Variants in OIT3 observed in about 807,000 individuals in gnomAD.
OIT3 encodes oncoprotein induced transcript 3.
Under a neutral mutation model 52.2 loss-of-function variants are expected in OIT3, and 41 were observed. That is an observed-to-expected ratio of 0.79 (90% CI 0.61 to 1.02). The LOEUF (loss-of-function observed/expected upper bound fraction) is 1.02. Among genes scored for constraint, OIT3 ranks in the 50% least tolerant of loss-of-function variants. OIT3 has a pLI of 0.00. For missense variants in OIT3, 634 were observed against 715.5 expected (o/e 0.89, Z 1.30); for synonymous variants, 244 against 276.9 (o/e 0.88, Z 1.18).
chr10:72,900,880 CA>C (rs1845925775), intron 3 of OIT3, among the ~76,000 whole-genome samples: 1 of 152,048 alleles, frequency 6.6e-6, no homozygotes, highest in Non-Finnish European at 1.5e-5. Flanking sequence ...CCACCCTGGG[CA>C]ACAAAGAAAA....
intron 5 of OIT3, among the ~76,000 whole-genome samples, chr10:72,912,523 G>A (rs1846038404): frequency 6.6e-6 from 1 of 151,912 alleles, no homozygotes. Context: ...CGCCCTCCTT[G>A]GCTTCCCAAA....
rs1311821294 is a variant in OIT3 at position 72,899,082 on chromosome 10, C to A, written c.436+44C>A. The A allele has an allele frequency of 3.2e-6, 5 of 1,545,906 alleles. No homozygotes were observed. In the Admixed American group the frequency reaches 7.7e-5, roughly 24 times the overall value. ...CTCTTTTTCTCCACCAACAAGGCCA[C>A]AGGTGGAGTCCAAAAGTGCCAATTA... is the stretch of plus-strand genomic sequence containing the variant. On this transcript the variant is annotated intron_variant, in intron 2 of 8. Transcript: ENST00000334011.
At chr10:72,921,352 A>G (rs552645052) in intron 6 of OIT3, among the ~76,000 whole-genome samples, 2 of 152,302 alleles carry the variant, frequency 1.3e-5, no homozygotes, top group South Asian at 2.1e-4. Context: ...CAGCATACCA[A>G]TGGGTCTGGA....
chr10:72,908,215 C>A (rs538870197), intron 4 of OIT3, among the ~76,000 whole-genome samples: 17 of 152,116 alleles, frequency 1.1e-4, no homozygotes, highest in African/African-American at 4.1e-4. Context: ...TGCACTCCAG[C>A]CTGGTGACAA....
At chr10:72,932,105 T>G (rs1846221488) in intron 8 of OIT3, among the ~76,000 whole-genome samples, 1 of 152,202 alleles carries the variant, frequency 6.6e-6, no homozygotes, top group Non-Finnish European at 1.5e-5. Flanking sequence ...TGAATGTGGG[T>G]TTTTTTAATC....
At chr10:72,923,633 G>T (rs575259502) in intron 6 of OIT3, among the ~76,000 whole-genome samples, 1 of 152,314 alleles carries the variant, frequency 6.6e-6, no homozygotes, top group South Asian at 2.1e-4. Context: ...TCCCAGTGGG[G>T]TACAGACCTG....
At chr10:72,920,630 T>A (rs1406215216) in intron 6 of OIT3, among the ~76,000 whole-genome samples, 7 of 152,206 alleles carry the variant, frequency 4.6e-5, no homozygotes, top group African/African-American at 1.7e-4. Context: ...GTATGTTGTA[T>A]CTTTGTTTTC....
intron 3 of OIT3, among the ~76,000 whole-genome samples, chr10:72,904,201 G>A (rs947605439): frequency 2.6e-5 from 4 of 152,058 alleles, no homozygotes; most frequent in Admixed American, 6.5e-5. Flanking sequence ...ACCCTCTCAC[G>A]CAGACCCCCT....
chr10:72,922,720 CT>C (rs1846132053), intron 6 of OIT3, among the ~76,000 whole-genome samples: 1 of 152,128 alleles, frequency 6.6e-6, no homozygotes, highest in East Asian at 1.9e-4. Flanking sequence ...ATTCCAAACC[CT>C]TGCTGGAGTG....
At chr10:72,897,181 G>A (rs1325648803) in intron 1 of OIT3, among the ~76,000 whole-genome samples, 3 of 151,940 alleles carry the variant, frequency 2.0e-5, no homozygotes, top group South Asian at 2.1e-4. Flanking sequence ...GTGCCACCAC[G>A]CCCAGCTGAT....
In OIT3 at chr10:72,905,766, G is replaced by T. The variant is rs78295286; in HGVS notation, c.545-830G>T. Among the ~76,000 whole-genome samples, 489 of 152,212 alleles carry T rather than the reference G, an allele frequency of 3.2e-3. 12 individuals are homozygous for T. In the East Asian group the frequency reaches 0.056, roughly 17 times the overall value. On this transcript the variant is annotated intron_variant, in intron 3 of 8. Transcript: ENST00000334011. ...GGCAGAGTTTCCTTATTGCTTCCCT[G>T]GGCCACTGGGCAAAGTTCTCCCCAT...
intron 4 of OIT3, 47 bp from the exon 5 acceptor site, chr10:72,911,670 G>A: frequency 8.8e-6 from 14 of 1,590,164 alleles, no homozygotes; most frequent in Non-Finnish European, 1.2e-5. Context: ...AATTCTTGGG[G>A]TAGAGGGTTA....
Position 72,924,424 on chromosome 10 carries a change from A to G in OIT3, c.1147A>G (p.Asn383Asp), listed in dbSNP as rs1326720207. The change falls in exon 7 of 9, where the codon AAT (asparagine) becomes GAT (aspartate). Residue 383 changes from asparagine to aspartate, a missense_variant. Asn to Asp is a conservative substitution (Grantham distance 23, BLOSUM62 1). Coordinates refer to ENST00000334011, the MANE Select transcript of OIT3 (RefSeq NM_152635.3). ...CTCCCCACTGGAAATCATGAGCCGA[A>G]ATCATGGGATCTTCCCATTCACTCT... The part of the protein sequence containing the change: ...RNSPLEIMSR[N>D]HGIFPFTLEI... 6.2e-7 allele frequency: 1 copy of G among 1,614,140 alleles called. No homozygotes were observed.
intron 2 of OIT3, 118 bp downstream of exon 2, chr10:72,899,156 G>T (rs1286815537): frequency 3.5e-6 from 3 of 859,962 alleles, no homozygotes; most frequent in Non-Finnish European, 5.4e-6. Flanking sequence ...GAACAACATT[G>T]ATGTGGGGCT....
At chr10:72,899,746 T>C (rs1845914425) in intron 2 of OIT3, among the ~76,000 whole-genome samples, 1 of 142,354 alleles carries the variant, frequency 7.0e-6, no homozygotes, top group Non-Finnish European at 1.5e-5. Flanking sequence ...GATAGATAGA[T>C]AGATAGATAG....
intron 1 of OIT3, among the ~76,000 whole-genome samples, chr10:72,894,486 G>A (rs1301718300): frequency 6.6e-6 from 1 of 152,176 alleles, no homozygotes; most frequent in African/African-American, 2.4e-5. Context: ...GTGAGATGGA[G>A]AGAACCATCC....
intron 1 of OIT3, among the ~76,000 whole-genome samples, chr10:72,895,032 G>A (rs1845862142): frequency 6.6e-6 from 1 of 152,134 alleles, no homozygotes; most frequent in Non-Finnish European, 1.5e-5. Flanking sequence ...TAATAATCAG[G>A]TATCAATAGT....
intron 1 of OIT3, among the ~76,000 whole-genome samples, chr10:72,897,032 G>A (rs1845880725): frequency 6.6e-6 from 1 of 151,998 alleles, no homozygotes; most frequent in Non-Finnish European, 1.5e-5. Flanking sequence ...TTGTTTGTTT[G>A]TTTATTTATG....
rs553673627 is a variant in OIT3, at chr10:72,917,911, C to G, written c.951+4443C>G. On this transcript the variant is annotated intron_variant, in intron 6 of 8. Coordinates refer to ENST00000334011, the MANE Select transcript of OIT3 (RefSeq NM_152635.3). ...TTTCCATTCTGATTTGACTTCTGTA[C>G]ATTTTTGGCTGGAGTATCTTGTATA... The G allele has an allele frequency of 1.3e-5, 15 of 1,178,556 alleles. No homozygotes were observed. In the East Asian group the frequency reaches 3.5e-4, roughly 28 times the overall value. 73.0% of individuals were successfully genotyped at this position (1,178,556 alleles called of 1,614,324 possible).
Sources: gnomAD v4.1 joint callset for allele counts (sites outside exome capture counted in the v4.1 genomes callset) on GRCh38, gnomAD v4.1.1 for gene constraint, MANE v1.5 for transcripts, NCBI Gene and HGNC (gene_info 2026-07-23, HGNC 2026-07-21) for gene names.